The following NR6A1 variants were observed in gnomAD, a reference collection of about 807,000 sequenced individuals.
NR6A1 encodes retinoic acid receptor-related testis-associated receptor.
A neutral mutation model predicts 59.1 loss-of-function variants in NR6A1; 7 were observed. That is an observed-to-expected ratio of 0.12 (90% CI 0.07 to 0.22). The LOEUF (loss-of-function observed/expected upper bound fraction) is 0.22, where lower values mean the gene tolerates loss of function less well. Ranked by LOEUF, NR6A1 falls within the 10% of genes least tolerant of loss-of-function variation. NR6A1 has a pLI of 1.00. For missense variants in NR6A1, 468 were observed against 611.6 expected, an observed-to-expected ratio of 0.77 and a Z score of 2.48; for synonymous variants, 243 against 236.1, an observed-to-expected ratio of 1.03 and a Z score of -0.27.
intron 2 of NR6A1, among the ~76,000 whole-genome samples, chr9:124,685,962 A>G (rs1838319049): frequency 6.6e-6 from 1 of 152,248 alleles, no homozygotes; most frequent in Non-Finnish European, 1.5e-5. Flanking sequence ...AAAAGTTTTA[A>G]GACATCATAT....
intron 2 of NR6A1, among the ~76,000 whole-genome samples, chr9:124,642,748 A>G (rs1181367184): frequency 1.3e-5 from 2 of 152,218 alleles, no homozygotes; most frequent in Admixed American, 6.5e-5. Flanking sequence ...TGATGAAGAC[A>G]GAAATATAAA....
At chr9:124,693,810 G>T (rs1170855412) in intron 2 of NR6A1, 2 of 533,378 alleles carry the variant, frequency 3.7e-6, no homozygotes, top group African/African-American at 3.9e-5. Context: ...CCCAAAGGAA[G>T]CAAAAGCATG....
intron 2 of NR6A1, among the ~76,000 whole-genome samples, chr9:124,573,065 T>C (rs1834487959): frequency 6.6e-6 from 1 of 152,166 alleles, no homozygotes; most frequent in South Asian, 2.1e-4. Flanking sequence ...TAACTAAAAA[T>C]AGCTGCCAAC....
intron 2 of NR6A1, among the ~76,000 whole-genome samples, chr9:124,603,769 G>A (rs969150861): frequency 1.3e-5 from 2 of 152,056 alleles, no homozygotes; most frequent in African/African-American, 2.4e-5. Flanking sequence ...ACATAGGAAA[G>A]GGGGAAAAAA....
Position 124,733,298 on chromosome 9 carries a change from G to A in NR6A1, c.142+10C>T, listed in dbSNP as rs1784967355. 6.2e-7 allele frequency: 1 copy of A among 1,604,432 alleles called. No individual in the cohort carries two copies. The highest frequency in any genetic ancestry group is 8.5e-7 in the Non-Finnish European group (1 of 1,171,386). Reference sequence around the variant, plus strand: ...TTACCAAAGAATATTGGGTAACATTGAGAACTTACTAGTGCCTGGGTCAAG... The same window carrying A: ...TTACCAAAGAATATTGGGTAACATTAAGAACTTACTAGTGCCTGGGTCAAG... On this transcript the variant is annotated intron_variant, in intron 2 of 9. Coordinates refer to ENST00000487099, the MANE Select transcript of NR6A1 (RefSeq NM_033334.4).
chr9:124,629,243 T>C (rs905756563), intron 2 of NR6A1, among the ~76,000 whole-genome samples: 5 of 152,220 alleles, frequency 3.3e-5, no homozygotes, highest in African/African-American at 1.2e-4. Flanking sequence ...CAAGAATTGT[T>C]TGTTATCAGG....
intron 7 of NR6A1, among the ~76,000 whole-genome samples, chr9:124,533,673 G>A (rs1450796244): frequency 4.1e-5 from 6 of 147,662 alleles, no homozygotes; most frequent in East Asian, 2.0e-4. Flanking sequence ...TTTTTGAGAC[G>A]GAGTCTCGCT....
chr9:124,590,588 T>C (rs1308365107), intron 2 of NR6A1, among the ~76,000 whole-genome samples: 4 of 152,202 alleles, frequency 2.6e-5, no homozygotes, highest in Admixed American at 6.5e-5. Flanking sequence ...GCTTAGAAAA[T>C]AGTAAATACT....
At chr9:124,544,193 G>A (rs1196678101) in intron 3 of NR6A1, among the ~76,000 whole-genome samples, 1 of 152,182 alleles carries the variant, frequency 6.6e-6, no homozygotes, top group East Asian at 1.9e-4. Context: ...CAAATTCTAG[G>A]GGAGGGACAG....
At chr9:124,552,944 T>C (rs986776628) in intron 3 of NR6A1, among the ~76,000 whole-genome samples, 38 of 152,202 alleles carry the variant, frequency 2.5e-4, no homozygotes, top group African/African-American at 9.2e-4. Flanking sequence ...TCTGCATTCA[T>C]AATGCTATAA....
intron 2 of NR6A1, among the ~76,000 whole-genome samples, chr9:124,686,127 G>C (rs1838322874): frequency 6.6e-6 from 1 of 152,020 alleles, no homozygotes; most frequent in Non-Finnish European, 1.5e-5. Context: ...CTCTACCTGA[G>C]GCAATAATAA....
chr9:124,542,380 G>T (rs1833474196), intron 4 of NR6A1, among the ~76,000 whole-genome samples: 1 of 152,208 alleles, frequency 6.6e-6, no homozygotes, highest in African/African-American at 2.4e-5. Context: ...CATCATCAGT[G>T]TATGTCTTAA....
rs1408433002 is a variant in NR6A1, at chr9:124,520,969, GA to G, written c.*1735del. 2.0e-5 allele frequency: 3 copies of G among 152,226 alleles called. No individual in the cohort carries two copies. Among genetic ancestry groups the G allele is most frequent in the African/African-American group, 7.2e-5 (3 of 41,468 alleles). 9.4% of individuals were successfully genotyped at this position (152,226 alleles called of 1,614,324 possible). ...GGTACCCGTAACATTTCACCAGAAA[GA>G]AACAATTACAATCAGACATGGACTA... On this transcript the variant is annotated 3_prime_UTR_variant, in exon 10 of 10. Coordinates refer to ENST00000487099, the MANE Select transcript of NR6A1 (RefSeq NM_033334.4).
chr9:124,674,503 G>A (rs1264410586), intron 2 of NR6A1, among the ~76,000 whole-genome samples: 1 of 152,044 alleles, frequency 6.6e-6, no homozygotes, highest in African/African-American at 2.4e-5. Context: ...TATCTTACTG[G>A]GTTGTTATGG....
In NR6A1 at chr9:124,651,439, G is replaced by C. The variant is rs190268065; in HGVS notation, c.142+81869C>G. Among the ~76,000 whole-genome samples the C allele has an allele frequency of 1.0e-3, 158 of 152,324 alleles. 1 individual carries two copies. The highest frequency in any genetic ancestry group is 1.6e-3 in the Non-Finnish European group (112 of 68,032). On this transcript the variant is annotated intron_variant, in intron 2 of 9. Transcript: ENST00000487099. ...GCTTTGTCTTATGAACCTTGGAGAA[G>C]TTAGTTAACCATGTCACATCTCAAT...
At chr9:124,714,727 T>C (rs778142510) in intron 2 of NR6A1, among the ~76,000 whole-genome samples, 4 of 152,186 alleles carry the variant, frequency 2.6e-5, no homozygotes, top group Non-Finnish European at 5.9e-5. Flanking sequence ...CATTTATATA[T>C]ACTAGCAACA....
chr9:124,708,896 A>T, intron 2 of NR6A1, among the ~76,000 whole-genome samples: 1 of 152,154 alleles, frequency 6.6e-6, no homozygotes, highest in Non-Finnish European at 1.5e-5. Flanking sequence ...TCCCTTTCCC[A>T]CTGGCCCAGG....
intron 2 of NR6A1, among the ~76,000 whole-genome samples, chr9:124,560,711 C>A (rs1476117520): frequency 1.3e-5 from 2 of 152,056 alleles, no homozygotes; most frequent in African/African-American, 4.8e-5. Context: ...CAGGTGTGTG[C>A]CACCATGCCC....
intron 1 of NR6A1, among the ~76,000 whole-genome samples, chr9:124,761,651 C>CTT (rs201383320): frequency 0.01 from 1,555 of 152,294 alleles, 27 homozygotes; most frequent in African/African-American, 0.035. Flanking sequence ...AATCACAACT[C>CTT]TAAGACTCAG....
Sources: gnomAD v4.1 joint callset for allele counts (sites outside exome capture counted in the v4.1 genomes callset) on GRCh38, gnomAD v4.1.1 for gene constraint, MANE v1.5 for transcripts, NCBI Gene and HGNC (gene_info 2026-07-23, HGNC 2026-07-21) for gene names.